ITPKC: variants seen among roughly 807,000 people sequenced by gnomAD.
The protein encoded by ITPKC is IP3 3-kinase C.
Under a neutral mutation model 67.1 loss-of-function variants are expected in ITPKC, and 33 were observed. The ratio of observed to expected loss-of-function variants is 0.49; its 90% CI spans 0.37 to 0.66. ITPKC has a LOEUF of 0.66. ITPKC is among the 30% of genes least tolerant of loss of function. The probability of loss-of-function intolerance (pLI) is 0.00; values close to 1 mark genes in which losing one functional copy is unlikely to be tolerated. For synonymous variants in ITPKC, 341 were observed against 359.8 expected (o/e 0.95, Z 0.59); for missense variants, 820 against 892.1 (o/e 0.92, Z 1.03).
At chr19:40,722,015 T>A (rs989073154) in intron 1 of ITPKC, among the ~76,000 whole-genome samples, 70 of 141,332 alleles carry the variant, frequency 5.0e-4, no homozygotes, top group African/African-American at 1.8e-3. Flanking sequence ...AAAAAAAAAA[T>A]TACTATTAAA....
intron 5 of ITPKC, among the ~76,000 whole-genome samples, chr19:40,737,295 G>A (rs1477815122): frequency 3.9e-5 from 6 of 152,242 alleles, no homozygotes; most frequent in South Asian, 2.1e-4. Flanking sequence ...TGACTTGGCC[G>A]CACGTCTCTC....
chr19:40,721,384 C>T (rs2082221684), intron 1 of ITPKC, among the ~76,000 whole-genome samples: 1 of 148,766 alleles, frequency 6.7e-6, no homozygotes, highest in Non-Finnish European at 1.5e-5. Flanking sequence ...TTTTGGAGGG[C>T]GTGCAGTGCG....
chr19:40,723,657 C>T (rs905370458), intron 1 of ITPKC, among the ~76,000 whole-genome samples: 5 of 151,946 alleles, frequency 3.3e-5, no homozygotes, highest in African/African-American at 7.3e-5. Context: ...TCACCACGCC[C>T]GGCTAATTTT....
At chr19:40,732,521 CAAAAAAAAAAAAAAA>C (rs33945584) in intron 3 of ITPKC, among the ~76,000 whole-genome samples, 7 of 77,586 alleles carry the variant, frequency 9.0e-5, no homozygotes, top group Non-Finnish European at 2.5e-5. Flanking sequence ...GGGCGGGCGT[CAAAAAAAAAAAAAAA>C]AAAAAAAAAA....
At chr19:40,734,874 C>T (rs569006976) in intron 4 of ITPKC, among the ~76,000 whole-genome samples, 15 of 151,746 alleles carry the variant, frequency 9.9e-5, no homozygotes, top group South Asian at 8.3e-4. Context: ...CTCTGCCTCC[C>T]GGGTTCAAGC....
chr19:40,727,130 C>T (rs1007601594), intron 2 of ITPKC, among the ~76,000 whole-genome samples: 5 of 151,928 alleles, frequency 3.3e-5, no homozygotes, highest in African/African-American at 7.3e-5. Context: ...GTCAGGAGAT[C>T]GAGACCATCC....
intron 1 of ITPKC, among the ~76,000 whole-genome samples, chr19:40,723,107 G>A (rs942703964): frequency 6.6e-6 from 1 of 151,966 alleles, no homozygotes; most frequent in Non-Finnish European, 1.5e-5. Flanking sequence ...GACTGCAGGT[G>A]CCCGCCACCA....
chr19:40,727,207 G>A (rs1242236492), intron 2 of ITPKC, among the ~76,000 whole-genome samples: 2 of 151,972 alleles, frequency 1.3e-5, no homozygotes, highest in African/African-American at 2.4e-5. Context: ...GGTGGCGGGC[G>A]CCTGTAATCC....
intron 1 of ITPKC, among the ~76,000 whole-genome samples, chr19:40,722,085 G>A (rs943146858): frequency 1.3e-5 from 2 of 151,926 alleles, no homozygotes; most frequent in Admixed American, 6.6e-5. Context: ...AGCGTCTGTC[G>A]TGTGCCAGGC....
At chr19:40,730,951 G>T (rs1303757273) in intron 3 of ITPKC, among the ~76,000 whole-genome samples, 2 of 152,094 alleles carry the variant, frequency 1.3e-5, no homozygotes, top group Non-Finnish European at 2.9e-5. Flanking sequence ...CCACAGGTTG[G>T]GGACTCAGTC....
intron 1 of ITPKC, among the ~76,000 whole-genome samples, chr19:40,724,090 G>A (rs1399109944): frequency 6.6e-6 from 1 of 152,176 alleles, no homozygotes; most frequent in African/African-American, 2.4e-5. Context: ...CTACCCGAAA[G>A]TGACACTTCT....
intron 3 of ITPKC, 78 bp downstream of exon 3, chr19:40,729,493 C>T (rs541620608): frequency 4.7e-5 from 58 of 1,227,328 alleles, no homozygotes; most frequent in Non-Finnish European, 6.1e-5. Context: ...TGGCCAGGCG[C>T]GGTGGCTCAC....
intron 1 of ITPKC, among the ~76,000 whole-genome samples, chr19:40,721,338 G>A (rs114552860): frequency 0.012 from 1,805 of 151,654 alleles, 45 homozygotes; most frequent in African/African-American, 0.042. Context: ...ATCCGAGAAA[G>A]CCCAGATAAA....
Position 40,717,203 on chromosome 19 carries a change from G to A in ITPKC, c.68G>A (p.Arg23His), listed in dbSNP as rs2082193074. Reference sequence around the variant, plus strand: ...GCCGGGGCGCTGCCCGCGGCGGCCCGCATGGGACTGGAGGCGCCGCGAGGA... The same window carrying A: ...GCCGGGGCGCTGCCCGCGGCGGCCCACATGGGACTGGAGGCGCCGCGAGGA... ...AEAGALPAAA[R>H]MGLEAPRGGR... The change falls in exon 1 of 7, where the codon CGC becomes CAC. Residue 23 changes from arginine (R) to histidine (H), a missense_variant. Physicochemically the swap from Arg to His is conservative, Grantham distance 29. Coordinates refer to ENST00000263370, the MANE Select transcript of ITPKC (RefSeq NM_025194.3). 23 of 1,224,700 alleles carry A rather than the reference G, an allele frequency of 1.9e-5. No homozygotes were observed. Among genetic ancestry groups the A allele is most frequent in the Non-Finnish European group, 2.3e-5 (23 of 983,910 alleles). The allele number at this position is 1,224,700 out of a possible 1,614,324, so 75.9% of individuals were successfully genotyped here.
At chr19:40,721,900 C>G (rs2082224391) in intron 1 of ITPKC, among the ~76,000 whole-genome samples, 1 of 151,496 alleles carries the variant, frequency 6.6e-6, no homozygotes, top group African/African-American at 2.4e-5. Context: ...ATTCGGGAGG[C>G]TAAAGCAGGA....
At chr19:40,731,721 C>A (rs961303818) in intron 3 of ITPKC, among the ~76,000 whole-genome samples, 4 of 150,406 alleles carry the variant, frequency 2.7e-5, no homozygotes, top group Non-Finnish European at 5.9e-5. Flanking sequence ...AGCCACCATG[C>A]CCAGCCTAAT....
intron 4 of ITPKC, among the ~76,000 whole-genome samples, chr19:40,735,605 A>T (rs1001570730): frequency 3.3e-5 from 5 of 151,760 alleles, no homozygotes; most frequent in Non-Finnish European, 7.4e-5. Context: ...TTTCTGTTCT[A>T]CTGATCAGGG....
intron 2 of ITPKC, among the ~76,000 whole-genome samples, chr19:40,726,591 A>G (rs2082247414): frequency 6.6e-6 from 1 of 152,278 alleles, no homozygotes; most frequent in African/African-American, 2.4e-5. Flanking sequence ...GCTGGACTAG[A>G]AAAGTGTGCC....
intron 1 of ITPKC, among the ~76,000 whole-genome samples, chr19:40,722,776 C>G (rs1206038729): frequency 6.6e-6 from 1 of 152,012 alleles, no homozygotes; most frequent in African/African-American, 2.4e-5. Flanking sequence ...GGTTTTCTTT[C>G]TTTCTTTCTT....
Sources: gnomAD v4.1 joint callset for allele counts (sites outside exome capture counted in the v4.1 genomes callset) on GRCh38, gnomAD v4.1.1 for gene constraint, MANE v1.5 for transcripts, NCBI Gene and HGNC (gene_info 2026-07-23, HGNC 2026-07-21) for gene names.